Variants in ACVR1C observed in about 807,000 individuals in gnomAD.
ACVR1C encodes the protein activin A receptor type 1C.
A neutral mutation model predicts 57.9 loss-of-function variants in ACVR1C; 23 were observed. The observed-to-expected ratio is 0.40, with a 90% confidence interval of 0.29 to 0.56. ACVR1C has a LOEUF of 0.56. ACVR1C is among the 20% of genes least tolerant of loss of function. The pLI is 0.50. For synonymous variants in ACVR1C, 214 were observed against 215.3 expected, an observed-to-expected ratio of 0.99 and a Z score of 0.05; for missense variants, 480 against 607.9, an observed-to-expected ratio of 0.79 and a Z score of 2.21.
chr2:157,538,825 T>G (rs1047267587), intron 7 of ACVR1C, 122 bp from the exon 8 acceptor site: 2 of 708,464 alleles, frequency 2.8e-6, no homozygotes, highest in African/African-American at 1.9e-5. Context: ...AAAGTCAAGT[T>G]TATTAAAATA....
intron 1 of ACVR1C, among the ~76,000 whole-genome samples, chr2:157,590,032 A>G (rs1378557276): frequency 6.6e-6 from 1 of 151,922 alleles, no homozygotes; most frequent in African/African-American, 2.4e-5. Context: ...AATCAACTCA[A>G]GAGGAATTAA....
intron 2 of ACVR1C, among the ~76,000 whole-genome samples, chr2:157,573,079 TAAC>T (rs1394526104): frequency 6.6e-6 from 1 of 152,186 alleles, no homozygotes; most frequent in East Asian, 1.9e-4. Context: ...CCCAAAAGAA[TAAC>T]AATCACTTTC....
rs775914320 is a variant in ACVR1C, at chr2:157,550,310, C to T, written c.627G>A (p.Val209=). The T allele has an allele frequency of 4.3e-6, 7 of 1,614,050 alleles. No homozygotes were observed. In the South Asian group the frequency reaches 4.4e-5, roughly 10 times the overall value. ...EIVGKGRFGE[V]WHGRWCGEDV... ...CTTCCCCACACCATCTTCCATGCCA[C>T]ACCTCACCAAATCTACCTTTTCCTA... Residue 209 remains valine (V), a synonymous_variant, in exon 4 of 9, where the codon GTG becomes GTA. Transcript: ENST00000243349.
Position 157,533,923 on chromosome 2 carries a change from C to A in ACVR1C, c.1477G>T (p.Ala493Ser). ...TTTTAACATAATTATCATCATTAGG[C>A]TTTGCAGTCTTCTTTGACACAAAGT... ...SQLCVKEDCK[A>S] The change falls in exon 9 of 9, where the codon GCC (alanine) becomes TCC (serine). Residue 493 changes from alanine to serine, a missense_variant. Transcript: ENST00000243349. 6.4e-7 allele frequency: 1 copy of A among 1,573,604 alleles called. No individual in the cohort carries two copies. Among genetic ancestry groups the A allele is most frequent in the Non-Finnish European group, 8.6e-7 (1 of 1,165,728 alleles).
Position 157,600,344 on chromosome 2 carries a change from A to G in ACVR1C, c.74-12927T>C, listed in dbSNP as rs139374919. 4.1e-3 allele frequency among the ~76,000 whole-genome samples: 632 copies of G among 152,368 alleles called. 4 individuals are homozygous for G. The highest frequency in any genetic ancestry group is 0.014 in the African/African-American group (599 of 41,584). ...ACTCAATCTATTTGGGAAATATGCC[A>G]TGAAATACAAAAAATTAACGACAAA... On this transcript the variant is annotated intron_variant, in intron 1 of 8. Coordinates refer to ENST00000243349, the MANE Select transcript of ACVR1C (RefSeq NM_145259.3).
chr2:157,534,117 T>A (rs1486804129), intron 8 of ACVR1C, 74 bp from the exon 9 acceptor site: 22 of 1,233,472 alleles, frequency 1.8e-5, no homozygotes, highest in Non-Finnish European at 2.0e-5. Context: ...AGTAAAGCCA[T>A]AAATCCAGGA....
rs114905949 is a variant in ACVR1C at position 157,544,501 on chromosome 2, G to A, written c.887C>T (p.Ala296Val). The change falls in exon 5 of 9, where the codon GCG becomes GTG. Residue 296 changes from alanine (A) to valine (V), a missense_variant. By Grantham distance (64) the Ala-to-Val change is moderately conservative (BLOSUM62 0). Transcript: ENST00000243349. Reference protein sequence around the residue: ...IVTVAGMIKLALSIASGLAHL... With the variant: ...IVTVAGMIKLVLSIASGLAHL... ...TGCCAGACCACTAGCAATTGAGAGC[G>A]CCAGCTTGATCATTCCAGCCACGGT... is the stretch of plus-strand genomic sequence containing the variant. The A allele has an allele frequency of 2.0e-5, 32 of 1,613,830 alleles. No homozygotes were observed. Among genetic ancestry groups the A allele is most frequent in the Middle Eastern group, 1.7e-4 (1 of 6,056 alleles).
intron 4 of ACVR1C, among the ~76,000 whole-genome samples, chr2:157,548,530 A>G (rs1453997809): frequency 6.6e-6 from 1 of 151,580 alleles, no homozygotes; most frequent in Non-Finnish European, 1.5e-5. Flanking sequence ...TTCAAACTAT[A>G]CTACAAGGCT....
chr2:157,538,357 G>T (rs1279430470), intron 8 of ACVR1C, among the ~76,000 whole-genome samples: 1 of 152,158 alleles, frequency 6.6e-6, no homozygotes, highest in Non-Finnish European at 1.5e-5. Context: ...AAGTCTTGTG[G>T]AAAGTCACTG....
intron 2 of ACVR1C, among the ~76,000 whole-genome samples, chr2:157,562,259 C>A (rs988411418): frequency 6.8e-6 from 1 of 147,474 alleles, no homozygotes; most frequent in African/African-American, 2.5e-5. Flanking sequence ...CGCGCCACTG[C>A]ACTGCAGCCT....
chr2:157,559,938 G>C (rs1014841928), intron 2 of ACVR1C, among the ~76,000 whole-genome samples: 33 of 151,576 alleles, frequency 2.2e-4, no homozygotes, highest in African/African-American at 7.0e-4. Context: ...AAAGGAAAGA[G>C]AGAGAGAAGC....
At chr2:157,574,838 T>C (rs753621100) in intron 2 of ACVR1C, among the ~76,000 whole-genome samples, 1 of 152,234 alleles carries the variant, frequency 6.6e-6, no homozygotes, top group Non-Finnish European at 1.5e-5. Flanking sequence ...GTCAGCTCCC[T>C]TGTTGCTGTC....
At chr2:157,547,562 T>A (rs1330329158) in intron 4 of ACVR1C, among the ~76,000 whole-genome samples, 1 of 145,556 alleles carries the variant, frequency 6.9e-6, no homozygotes, top group Non-Finnish European at 1.5e-5. Flanking sequence ...ATTTCTCTGA[T>A]GGCCAGTGAC....
Position 157,542,709 on chromosome 2 carries a change from T to C in ACVR1C, c.1097A>G (p.Lys366Arg), listed in dbSNP as rs1687651017. Residue 366 changes from lysine to arginine, a missense_variant, in exon 6 of 9, where the codon AAG becomes AGG. Physicochemically the swap from Lys to Arg is conservative, Grantham distance 26. Coordinates refer to ENST00000243349, the MANE Select transcript of ACVR1C (RefSeq NM_145259.3). ...CTACCCAAGTCAGTCGTCTTACCTC[T>C]TGGTTCCCACTTTAGGATTCTGAGG... ...DIPQNPKVGT[K>R]RYMAPEMLDD... The C allele has an allele frequency of 6.2e-7, 1 of 1,612,592 alleles. No homozygotes were observed.
intron 1 of ACVR1C, among the ~76,000 whole-genome samples, chr2:157,614,801 C>T (rs1682604742): frequency 6.6e-6 from 1 of 152,118 alleles, no homozygotes; most frequent in African/African-American, 2.4e-5. Flanking sequence ...AATATAGCCA[C>T]CCCAGCTTTC....
At chr2:157,606,237 A>G (rs1682393379) in intron 1 of ACVR1C, among the ~76,000 whole-genome samples, 1 of 151,686 alleles carries the variant, frequency 6.6e-6, no homozygotes, top group African/African-American at 2.4e-5. Context: ...CACAATGCAG[A>G]TTTTGAGTAG....
At chr2:157,601,298 T>TA (rs1390668403) in intron 1 of ACVR1C, among the ~76,000 whole-genome samples, 2 of 151,018 alleles carry the variant, frequency 1.3e-5, no homozygotes, top group Admixed American at 6.6e-5. Flanking sequence ...GCCTGGGTGA[T>TA]AAAAAAAGAC....
chr2:157,549,237 T>C (rs1352956286), intron 4 of ACVR1C, among the ~76,000 whole-genome samples: 1 of 152,026 alleles, frequency 6.6e-6, no homozygotes, highest in Non-Finnish European at 1.5e-5. Flanking sequence ...CACCTGTAGT[T>C]CCAGCTACTT....
intron 2 of ACVR1C, among the ~76,000 whole-genome samples, chr2:157,562,175 A>G (rs1688247465): frequency 6.6e-6 from 1 of 151,808 alleles, no homozygotes; most frequent in African/African-American, 2.4e-5. Flanking sequence ...GCGTGCCTCT[A>G]GTCAAGCTAC....
Sources: allele counts gnomAD v4.1 joint callset (sites outside exome capture counted in the v4.1 genomes callset), GRCh38; gene constraint gnomAD v4.1.1; transcripts MANE v1.5; gene names NCBI Gene and HGNC (gene_info 2026-07-23, HGNC 2026-07-21).